The following PRKG1 variants were observed in gnomAD, a reference collection of about 807,000 sequenced individuals.
PRKG1 encodes cGMP-dependent protein kinase 1.
Under a neutral mutation model 88.1 loss-of-function variants are expected in PRKG1, and 35 were observed. The observed-to-expected ratio is 0.40, with a 90% confidence interval of 0.30 to 0.53. The LOEUF (loss-of-function observed/expected upper bound fraction) is 0.53, where lower values mean the gene tolerates loss of function less well. PRKG1 is among the 20% of genes least tolerant of loss of function. The pLI, the probability that PRKG1 is intolerant of heterozygous loss-of-function variation, is 0.59. For synonymous variants in PRKG1, 303 were observed against 292.5 expected, an observed-to-expected ratio of 1.04 and a Z score of -0.37; for missense variants, 540 against 839.8, an observed-to-expected ratio of 0.64 and a Z score of 4.41.
At chr10:51,934,587 C>T (rs1442918922) in intron 5 of PRKG1, among the ~76,000 whole-genome samples, 1 of 152,128 alleles carries the variant, frequency 6.6e-6, no homozygotes, top group East Asian at 1.9e-4. Flanking sequence ...TGTGGTCTCT[C>T]AGGGACCAAG....
chr10:51,656,422 T>C (rs1477569413), intron 3 of PRKG1, among the ~76,000 whole-genome samples: 1 of 152,138 alleles, frequency 6.6e-6, no homozygotes, highest in Non-Finnish European at 1.5e-5. Flanking sequence ...AAACTTTGTA[T>C]TGAGAGCCCA....
At chr10:51,956,561 T>C (rs1843307514) in intron 5 of PRKG1, among the ~76,000 whole-genome samples, 1 of 152,136 alleles carries the variant, frequency 6.6e-6, no homozygotes, top group East Asian at 1.9e-4. Context: ...GAGAATGAAC[T>C]GAGGATATTT....
intron 1 of PRKG1, among the ~76,000 whole-genome samples, chr10:51,032,287 C>G (rs1378712332): frequency 6.6e-6 from 1 of 152,022 alleles, no homozygotes; most frequent in Non-Finnish European, 1.5e-5. Context: ...AGTCTCAGCT[C>G]TACTTCTCCA....
intron 3 of PRKG1, among the ~76,000 whole-genome samples, chr10:51,685,181 T>C (rs1397966021): frequency 6.6e-6 from 1 of 152,188 alleles, no homozygotes; most frequent in Non-Finnish European, 1.5e-5. Context: ...ATTACTTGTC[T>C]CTTTCATAAA....
chr10:51,550,181 G>A (rs1837090711), intron 3 of PRKG1, among the ~76,000 whole-genome samples: 1 of 152,052 alleles, frequency 6.6e-6, no homozygotes, highest in Admixed American at 6.6e-5. Context: ...CTTATTGAAT[G>A]TGAACATGTA....
chr10:51,357,516 C>T lies in PRKG1; in HGVS notation c.479-110207C>T, dbSNP rs1383949012. Among the ~76,000 whole-genome samples the T allele has an allele frequency of 7.2e-5, 11 of 151,902 alleles. No individual in the cohort carries two copies. The South Asian group carries it at 1.0e-3, about 14-fold the overall frequency. On this transcript the variant is annotated intron_variant, in intron 2 of 17. Transcript: ENST00000373980. ...CTACCTGCCAGCTCAGTGTCAATGA[C>T]GGACATTCAGTTAAGGCAACTCTTA...
chr10:51,555,333 A>G (rs999838314), intron 3 of PRKG1, among the ~76,000 whole-genome samples: 2 of 151,908 alleles, frequency 1.3e-5, no homozygotes, highest in Non-Finnish European at 2.9e-5. Context: ...GGCATTTTGT[A>G]TTTTTTCATT....
chr10:51,536,100 G>A (rs1014648078), intron 3 of PRKG1, among the ~76,000 whole-genome samples: 1 of 152,126 alleles, frequency 6.6e-6, no homozygotes, highest in African/African-American at 2.4e-5. Flanking sequence ...CAGGTCATAG[G>A]GGGTATGATA....
At chr10:51,932,425 A>C (rs192886665) in intron 5 of PRKG1, among the ~76,000 whole-genome samples, 1 of 152,140 alleles carries the variant, frequency 6.6e-6, no homozygotes, top group Non-Finnish European at 1.5e-5. Context: ...CACTTGTTGA[A>C]TCTTTGGACA....
At chr10:51,653,006 T>A (rs559782695) in intron 3 of PRKG1, among the ~76,000 whole-genome samples, 8 of 152,352 alleles carry the variant, frequency 5.3e-5, no homozygotes, top group Admixed American at 3.9e-4. Context: ...TAGTATAATG[T>A]TCTCCAGGTG....
chr10:52,269,568 T>G (rs2132429332), intron 10 of PRKG1, among the ~76,000 whole-genome samples: 1 of 152,184 alleles, frequency 6.6e-6, no homozygotes, highest in East Asian at 1.9e-4. Context: ...ACAAGACACT[T>G]AAGACCTTCG....
At chr10:51,238,841 T>G (rs1318529266) in intron 2 of PRKG1, among the ~76,000 whole-genome samples, 1 of 151,820 alleles carries the variant, frequency 6.6e-6, no homozygotes, top group Admixed American at 6.6e-5. Flanking sequence ...GCTGTGAAAA[T>G]TCTAGAATAT....
chr10:51,205,741 C>T (rs1221276391), intron 2 of PRKG1, among the ~76,000 whole-genome samples: 1 of 151,852 alleles, frequency 6.6e-6, no homozygotes, highest in African/African-American at 2.4e-5. Flanking sequence ...ACCATGTTGG[C>T]CAGGCTGGTC....
At chr10:52,017,911 G>A (rs767541811) in intron 5 of PRKG1, among the ~76,000 whole-genome samples, 2 of 152,052 alleles carry the variant, frequency 1.3e-5, no homozygotes, top group Non-Finnish European at 1.5e-5. Context: ...TGTAATATTA[G>A]CATTAAGAAG....
chr10:51,892,131 C>T (rs897234302), intron 4 of PRKG1, among the ~76,000 whole-genome samples: 1 of 152,138 alleles, frequency 6.6e-6, no homozygotes, highest in African/African-American at 2.4e-5. Flanking sequence ...TGGAATTCCT[C>T]AATACGTTAA....
intron 2 of PRKG1, among the ~76,000 whole-genome samples, chr10:51,203,422 C>T (rs1673783287): frequency 6.6e-6 from 1 of 152,086 alleles, no homozygotes; most frequent in African/African-American, 2.4e-5. Flanking sequence ...TGGTTTGATG[C>T]TGTGTTATGA....
At chr10:51,637,258 CA>C (rs754619766) in intron 3 of PRKG1, among the ~76,000 whole-genome samples, 4 of 151,890 alleles carry the variant, frequency 2.6e-5, no homozygotes, top group African/African-American at 7.3e-5. Flanking sequence ...ATTAAAAAGT[CA>C]AAAAAACAAC....
At chr10:51,486,909 C>A (rs1391581459) in intron 3 of PRKG1, among the ~76,000 whole-genome samples, 1 of 151,990 alleles carries the variant, frequency 6.6e-6, no homozygotes, top group Non-Finnish European at 1.5e-5. Flanking sequence ...AGGATATTGT[C>A]CTTCAAGAGG....
chr10:52,253,418 G>A (rs1487053164), intron 10 of PRKG1: 7 of 152,090 alleles, frequency 4.6e-5, no homozygotes, highest in Admixed American at 1.3e-4. Flanking sequence ...CAAGCTGATA[G>A]TGCAAATCTT....
Sources: gnomAD v4.1 joint callset for allele counts (sites outside exome capture counted in the v4.1 genomes callset) on GRCh38, gnomAD v4.1.1 for gene constraint, MANE v1.5 for transcripts, NCBI Gene and HGNC (gene_info 2026-07-23, HGNC 2026-07-21) for gene names.